The following CLVS2 variants were observed in gnomAD, a reference collection of about 807,000 sequenced individuals.
CLVS2 encodes clavesin-2.
In CLVS2, 19 loss-of-function variants were observed where a neutral mutation model predicts 29.0. The observed-to-expected ratio is 0.66, with a 90% CI of 0.46 to 0.96. CLVS2 has a LOEUF of 0.96. Ranked by LOEUF, CLVS2 falls within the 40% of genes least tolerant of loss-of-function variation. The pLI, the probability that CLVS2 is intolerant of heterozygous loss-of-function variation, is 0.00. For synonymous variants in CLVS2, 161 were observed against 151.3 expected (o/e 1.06, Z -0.47); for missense variants, 294 against 404.1 (o/e 0.73, Z 2.34).
chr6:123,059,015 A>G (rs936707735), intron 5 of CLVS2, among the ~76,000 whole-genome samples: 1 of 151,924 alleles, frequency 6.6e-6, no homozygotes, highest in Non-Finnish European at 1.5e-5. Flanking sequence ...CCTCCTTATC[A>G]TGGCTTACAA....
chr6:123,061,678 A>C (rs1288781740), intron 5 of CLVS2, among the ~76,000 whole-genome samples: 1 of 152,188 alleles, frequency 6.6e-6, no homozygotes, highest in Non-Finnish European at 1.5e-5. Flanking sequence ...ATTTTGTTAA[A>C]AATGTCATAT....
At position 123,067,195 on chromosome 6, in the gene CLVS2, G is replaced by A. The variant is rs908622449; in HGVS notation, c.*3434G>A. 6.6e-6 allele frequency: 1 copy of A among 151,704 alleles called. No homozygotes were observed. Among genetic ancestry groups the A allele is most frequent in the East Asian group, 1.9e-4 (1 of 5,192 alleles). 9.4% of individuals were successfully genotyped at this position (151,704 alleles called of 1,614,324 possible). On this transcript the variant is annotated 3_prime_UTR_variant, in exon 6 of 6. Coordinates refer to ENST00000275162, the MANE Select transcript of CLVS2 (RefSeq NM_001010852.4). Reference sequence around the variant, plus strand: ...TTAATACTGTTAACTAGGTCATATTGTTAAACATGTGAAGCGTCTGTAATA... The same window carrying A: ...TTAATACTGTTAACTAGGTCATATTATTAAACATGTGAAGCGTCTGTAATA...
At position 123,013,766 on chromosome 6, in the gene CLVS2, C is replaced by T. The variant is rs1033596141; in HGVS notation, c.564+2607C>T. Among the ~76,000 whole-genome samples the T allele has an allele frequency of 5.9e-5, 9 of 151,794 alleles. 1 individual carries two copies. Among genetic ancestry groups the T allele is most frequent in the Non-Finnish European group, 8.8e-5 (6 of 67,902 alleles). ...TGTTGGTGTGCTGCACCCATTAACT[C>T]GTCATTTAGCATTAGGTATATCTCC... On this transcript the variant is annotated intron_variant, in intron 3 of 5. Coordinates refer to ENST00000275162, the MANE Select transcript of CLVS2 (RefSeq NM_001010852.4).
At chr6:123,023,695 C>G (rs978382582) in intron 3 of CLVS2, among the ~76,000 whole-genome samples, 11 of 152,074 alleles carry the variant, frequency 7.2e-5, no homozygotes, top group African/African-American at 2.4e-4. Flanking sequence ...AGAACAATTA[C>G]ATAGGATATA....
At chr6:123,005,980 G>A (rs949273450) in intron 2 of CLVS2, among the ~76,000 whole-genome samples, 5 of 152,234 alleles carry the variant, frequency 3.3e-5, no homozygotes, top group Non-Finnish European at 7.3e-5. Context: ...ACAGTGTGCA[G>A]CGAACAGTAT....
intron 3 of CLVS2, among the ~76,000 whole-genome samples, chr6:123,044,003 A>G (rs1775272101): frequency 6.6e-6 from 1 of 152,222 alleles, no homozygotes; most frequent in African/African-American, 2.4e-5. Context: ...AATTTACCCC[A>G]TAAATGACAT....
rs28582839 is a variant in CLVS2 at position 123,001,982 on chromosome 6, C to G, written c.389+3816C>G. 5.1e-4 allele frequency among the ~76,000 whole-genome samples: 77 copies of G among 152,304 alleles called. 1 individual carries two copies. The East Asian group carries it at 0.013, about 26-fold the overall frequency. ...AGCCTGCAAGTCATATTTTATTTCT[C>G]TAGATCTCATTAGAAGTATGTACTT... On this transcript the variant is annotated intron_variant, in intron 2 of 5. Transcript: ENST00000275162.
intron 3 of CLVS2, among the ~76,000 whole-genome samples, chr6:123,038,484 A>C (rs1007139053): frequency 5.3e-5 from 8 of 152,212 alleles, no homozygotes; most frequent in Non-Finnish European, 1.2e-4. Context: ...TCTATTATAC[A>C]TATTTGTAAA....
chr6:123,024,793 G>A (rs542525720), intron 3 of CLVS2, among the ~76,000 whole-genome samples: 59 of 152,232 alleles, frequency 3.9e-4, no homozygotes, highest in African/African-American at 1.4e-3. Flanking sequence ...TGCAATTACT[G>A]TAATGAGTTG....
chr6:123,072,291 T>C lies in CLVS2; in HGVS notation c.*8530T>C, dbSNP rs548546798. ...AGAAATATAACCTGAAATATAAGAA[T>C]AGATGTTTGAAACTGTTTCAGAAGT... is the stretch of plus-strand genomic sequence containing the variant. On this transcript the variant is annotated 3_prime_UTR_variant, in exon 6 of 6. Transcript: ENST00000275162. 2.0e-5 allele frequency: 3 copies of C among 152,212 alleles called. No homozygotes were observed. Among genetic ancestry groups the C allele is most frequent in the South Asian group, 4.1e-4 (2 of 4,830 alleles). 9.4% of individuals were successfully genotyped at this position (152,212 alleles called of 1,614,324 possible).
chr6:123,067,659 C>T lies in CLVS2; in HGVS notation c.*3898C>T, dbSNP rs1582669905. ...TATGTACATTTTTTACAACAATAAG[C>T]TCATAGGCATATATTCCATTGTAGA... On this transcript the variant is annotated 3_prime_UTR_variant, in exon 6 of 6. Transcript: ENST00000275162. 1 of 151,662 alleles carries T rather than the reference C, an allele frequency of 6.6e-6. No homozygotes were observed. Among genetic ancestry groups the T allele is most frequent in the East Asian group, 1.9e-4 (1 of 5,180 alleles). The allele number at this position is 151,662 out of a possible 1,614,324, so 9.4% of individuals were successfully genotyped here. A position where few individuals can be genotyped will look rare whatever the true frequency, so the allele number is the denominator to read the frequency against.
chr6:123,022,604 T>TC (rs200142592), intron 3 of CLVS2, among the ~76,000 whole-genome samples: 67 of 151,422 alleles, frequency 4.4e-4, no homozygotes, highest in East Asian at 9.7e-4. Flanking sequence ...GAGGTCTTTT[T>TC]CCCCCCCCAG....
At chr6:123,051,138 T>G (rs1772605331) in intron 4 of CLVS2, among the ~76,000 whole-genome samples, 1 of 152,170 alleles carries the variant, frequency 6.6e-6, no homozygotes. Context: ...CTCACACACC[T>G]TATGCTTCGG....
At chr6:123,035,725 G>T (rs1416222279) in intron 3 of CLVS2, among the ~76,000 whole-genome samples, 3 of 152,032 alleles carry the variant, frequency 2.0e-5, no homozygotes, top group Non-Finnish European at 4.4e-5. Flanking sequence ...AGGTATCAAG[G>T]GTGGGTGGAA....
At chr6:123,013,644 ATTTTATTTTATTT>A (rs1774784048) in intron 3 of CLVS2, among the ~76,000 whole-genome samples, 1 of 150,906 alleles carries the variant, frequency 6.6e-6, no homozygotes, top group African/African-American at 2.5e-5. Flanking sequence ...ATTTTTTTGC[ATTTTATTTTATTT>A]TTTTATTTTA....
Position 123,022,053 on chromosome 6 carries a change from G to A in CLVS2, c.564+10894G>A, listed in dbSNP as rs12524895. On this transcript the variant is annotated intron_variant, in intron 3 of 5. Transcript: ENST00000275162. ...TCAAACTGAGGAAGCTTATCACCGT[G>A]TCATTCTTTGGGTATCAAGGCCCCT... Among the ~76,000 whole-genome samples, 375 of 152,062 alleles carry A rather than the reference G, an allele frequency of 2.5e-3. 10 individuals carry two copies. Among genetic ancestry groups the A allele is most frequent in the Admixed American group, 0.022 (329 of 15,230 alleles).
At chr6:123,020,359 C>G (rs561556644) in intron 3 of CLVS2, among the ~76,000 whole-genome samples, 1 of 152,132 alleles carries the variant, frequency 6.6e-6, no homozygotes, top group Admixed American at 6.6e-5. Flanking sequence ...AATATTGGAG[C>G]ACTTCAGATT....
At chr6:123,044,764 T>C (rs559722130) in intron 3 of CLVS2, among the ~76,000 whole-genome samples, 1 of 152,336 alleles carries the variant, frequency 6.6e-6, no homozygotes, top group East Asian at 1.9e-4. Context: ...ATTGTCAGGA[T>C]GAGGGAGACC....
At chr6:123,043,746 C>T (rs1775267589) in intron 3 of CLVS2, among the ~76,000 whole-genome samples, 1 of 151,992 alleles carries the variant, frequency 6.6e-6, no homozygotes, top group South Asian at 2.1e-4. Context: ...ATGACTGTAC[C>T]AGAAATTATA....
Sources: gnomAD v4.1 joint callset for allele counts (sites outside exome capture counted in the v4.1 genomes callset) on GRCh38, gnomAD v4.1.1 for gene constraint, MANE v1.5 for transcripts, NCBI Gene and HGNC (gene_info 2026-07-23, HGNC 2026-07-21) for gene names.